ITCH: variants seen among roughly 807,000 people sequenced by gnomAD.
The protein encoded by ITCH is E3 ubiquitin-protein ligase Itchy homolog.
A neutral mutation model predicts 126.8 loss-of-function variants in ITCH; 28 were observed. That is an observed-to-expected ratio of 0.22 (90% CI 0.16 to 0.30). ITCH has a LOEUF of 0.30. Ranked by LOEUF, ITCH falls within the 10% of genes least tolerant of loss-of-function variation. ITCH has a pLI of 1.00. For synonymous variants in ITCH, 342 were observed against 340.0 expected (o/e 1.01, Z -0.06); for missense variants, 631 against 1,032.4 (o/e 0.61, Z 5.33).
chr20:34,465,330 C>A (rs1346345440), intron 14 of ITCH, among the ~76,000 whole-genome samples: 1 of 151,634 alleles, frequency 6.6e-6, no homozygotes, highest in Non-Finnish European at 1.5e-5. Context: ...CAACTTTGTT[C>A]TTTTTTTCAA....
At chr20:34,414,624 G>A (rs1307751827) in intron 6 of ITCH, among the ~76,000 whole-genome samples, 4 of 152,058 alleles carry the variant, frequency 2.6e-5, no homozygotes, top group Non-Finnish European at 4.4e-5. Flanking sequence ...GCGCCACCAC[G>A]CCCAGCTAAT....
intron 14 of ITCH, among the ~76,000 whole-genome samples, chr20:34,465,586 C>T (rs1251612978): frequency 6.6e-6 from 1 of 152,074 alleles, no homozygotes; most frequent in African/African-American, 2.4e-5. Context: ...TCTTTGATTT[C>T]TTTCAGCAGT....
At chr20:34,451,663 T>C (rs1985262493) in intron 12 of ITCH, among the ~76,000 whole-genome samples, 1 of 152,198 alleles carries the variant, frequency 6.6e-6, no homozygotes. Flanking sequence ...GATGGTTTTA[T>C]TTCTAGAGTT....
At position 34,471,527 on chromosome 20, in the gene ITCH, TTC is replaced by T. The variant is rs1406381864; in HGVS notation, c.1569+17_1569+18del. 3.9e-6 allele frequency: 6 copies of T among 1,530,246 alleles called. No homozygotes were observed. The highest frequency in any genetic ancestry group is 4.5e-6 in the Non-Finnish European group (5 of 1,103,624). 94.8% of individuals were successfully genotyped at this position (1,530,246 alleles called of 1,614,324 possible). A position where few individuals can be genotyped will look rare whatever the true frequency, so the allele number is the denominator to read the frequency against. ...ATTCCTTTCAACAGGTACTGTTTCA[TTC>T]TCTCAATAATTTCCCCCCTGGCTGC... is the stretch of plus-strand genomic sequence containing the variant. On this transcript the variant is annotated intron_variant, in intron 16 of 24. Transcript: ENST00000374864.
intron 7 of ITCH, among the ~76,000 whole-genome samples, chr20:34,425,502 G>A (rs983018079): frequency 3.3e-5 from 5 of 152,124 alleles, no homozygotes; most frequent in South Asian, 2.1e-4. Flanking sequence ...TCTCCTGCTC[G>A]TCCCTGGGAA....
Position 34,424,482 on chromosome 20 carries a change from G to T in ITCH, c.478G>T (p.Ala160Ser). The change falls in exon 7 of 25, where the codon GCT (alanine) becomes TCT (serine). Residue 160 changes from alanine to serine, a missense_variant and splice_region_variant. Physicochemically the swap from Ala to Ser is moderately conservative, Grantham distance 99. Transcript: ENST00000374864. ...TNGETTCSES[A>S]SQNDDGSRSK... is the part of the protein sequence containing the mutation. The stretch of plus-strand genomic sequence containing the variant: ...CTGTTTAAACTTTGATGTTAAAGGT[G>T]CTTCTCAGAATGATGATGGCTCCAG... 1.2e-6 allele frequency: 2 copies of T among 1,612,804 alleles called. No individual in the cohort carries two copies. The highest frequency in any genetic ancestry group is 2.2e-5 in the South Asian group (2 of 91,034).
At chr20:34,369,947 T>TA (rs1238518649) in intron 2 of ITCH, among the ~76,000 whole-genome samples, 2 of 149,892 alleles carry the variant, frequency 1.3e-5, no homozygotes, top group Admixed American at 1.3e-4. Context: ...CCACACAAAA[T>TA]AAAAAAAAAT....
chr20:34,439,727 T>G (rs1032372967), intron 8 of ITCH, among the ~76,000 whole-genome samples: 1 of 152,262 alleles, frequency 6.6e-6, no homozygotes, highest in Non-Finnish European at 1.5e-5. Context: ...GTAAGAATGT[T>G]ATTTCTTATC....
chr20:34,416,578 T>C (rs982536448), intron 6 of ITCH, among the ~76,000 whole-genome samples: 1 of 152,218 alleles, frequency 6.6e-6, no homozygotes, highest in Non-Finnish European at 1.5e-5. Context: ...CTGTGGGTAA[T>C]TAAAACCATA....
chr20:34,473,787 T>C (rs966777226), intron 16 of ITCH, among the ~76,000 whole-genome samples: 1 of 152,214 alleles, frequency 6.6e-6, no homozygotes, highest in African/African-American at 2.4e-5. Context: ...AGTTAAGCAG[T>C]TTACTGAGCA....
Position 34,489,878 on chromosome 20 carries a change from C to T in ITCH, c.2271C>T (p.Ile757=), listed in dbSNP as rs56366303. The change falls in exon 22 of 25, where the codon ATC becomes ATT. Residue 757 remains isoleucine (I), a synonymous_variant. Transcript: ENST00000374864. ...IDLNDWQRHA[I]YRHYARTSKQ... ...TGAATGACTGGCAAAGACATGCCAT[C>T]TACCGTCATTATGCAAGGACCAGCA... is the stretch of plus-strand genomic sequence containing the variant. 1.6e-3 allele frequency: 2,609 copies of T among 1,614,012 alleles called. 1 individual carries two copies. Among genetic ancestry groups the T allele is most frequent in the Non-Finnish European group, 1.7e-3 (2,062 of 1,179,954 alleles).
chr20:34,472,028 T>C (rs561065298), intron 16 of ITCH, among the ~76,000 whole-genome samples: 2 of 152,194 alleles, frequency 1.3e-5, no homozygotes, highest in African/African-American at 4.8e-5. Flanking sequence ...AAAAAAGATA[T>C]ATATGAGTTT....
In ITCH at chr20:34,477,759, T is replaced by C. The variant is rs1284047900; in HGVS notation, c.1570-13T>C. 6.2e-7 allele frequency: 1 copy of C among 1,612,248 alleles called. No individual in the cohort carries two copies. The highest frequency in any genetic ancestry group is 8.5e-7 in the Non-Finnish European group (1 of 1,178,568). ...GCTTTTTTCACCAATTATTTTACTT[T>C]ATTTTTTTTTAGATAATGAGCTTCA... On this transcript the variant is annotated splice_polypyrimidine_tract_variant and intron_variant, in intron 16 of 24. Transcript: ENST00000374864.
chr20:34,448,324 C>T (rs1451560176), intron 11 of ITCH, among the ~76,000 whole-genome samples: 2 of 151,314 alleles, frequency 1.3e-5, no homozygotes, highest in East Asian at 1.9e-4. Flanking sequence ...ACCTGGGAGC[C>T]GGAGGCTACA....
At chr20:34,483,092 C>CA (rs1988871474) in intron 20 of ITCH, among the ~76,000 whole-genome samples, 1 of 152,180 alleles carries the variant, frequency 6.6e-6, no homozygotes, top group South Asian at 2.1e-4. Context: ...AGAGTGCACA[C>CA]AGCGTGGGGA....
chr20:34,385,303 TC>T (rs888900839), intron 2 of ITCH, among the ~76,000 whole-genome samples: 2 of 148,314 alleles, frequency 1.3e-5, no homozygotes, highest in African/African-American at 5.0e-5. Flanking sequence ...CCTTAGGTGA[TC>T]CGCTCACCTT....
rs1984305375 is a variant in ITCH, at chr20:34,445,271, T to C, written c.966-16T>C. The C allele has an allele frequency of 6.3e-7, 1 of 1,597,866 alleles. No homozygotes were observed. Among genetic ancestry groups the C allele is most frequent in the Admixed American group, 1.7e-5 (1 of 57,670 alleles). The stretch of plus-strand genomic sequence containing the variant: ...TGTTGAATTAGCTTGTTTTTTTTTT[T>C]TTTTTTCTGATTTAGCTGGGAACGG... On this transcript the variant is annotated splice_polypyrimidine_tract_variant and intron_variant, in intron 10 of 24. Coordinates refer to ENST00000374864, the MANE Select transcript of ITCH (RefSeq NM_031483.7).
intron 3 of ITCH, among the ~76,000 whole-genome samples, chr20:34,404,045 T>A (rs1230201095): frequency 6.6e-6 from 1 of 152,142 alleles, no homozygotes; most frequent in African/African-American, 2.4e-5. Flanking sequence ...ATGACATTAA[T>A]GACATGATCA....
chr20:34,405,780 C>CTT (rs11455038), intron 3 of ITCH, among the ~76,000 whole-genome samples: 7 of 150,714 alleles, frequency 4.6e-5, no homozygotes, highest in African/African-American at 9.8e-5. Context: ...TTTAATAGTA[C>CTT]TTTTTTTTTA....
Sources: allele counts gnomAD v4.1 joint callset (sites outside exome capture counted in the v4.1 genomes callset), GRCh38; gene constraint gnomAD v4.1.1; transcripts MANE v1.5; gene names NCBI Gene and HGNC (gene_info 2026-07-23, HGNC 2026-07-21).